CDK8: variants seen among roughly 807,000 people sequenced by gnomAD.
CDK8 encodes cyclin-dependent kinase 8.
In CDK8, 29 loss-of-function variants were observed where a neutral mutation model predicts 71.5. The observed-to-expected ratio is 0.41, with a 90% CI of 0.30 to 0.55. The LOEUF is 0.55. Ranked by LOEUF, CDK8 falls within the 20% of genes least tolerant of loss-of-function variation. The pLI, the probability that CDK8 is intolerant of heterozygous loss-of-function variation, is 0.37. For missense variants in CDK8, 288 were observed against 572.6 expected (o/e 0.50, Z 5.07); for synonymous variants, 161 against 192.1 (o/e 0.84, Z 1.34).
intron 9 of CDK8, among the ~76,000 whole-genome samples, chr13:26,399,488 G>C (rs578212195): frequency 6.6e-6 from 1 of 152,154 alleles, no homozygotes; most frequent in Non-Finnish European, 1.5e-5. Flanking sequence ...AGTTCTCCAG[G>C]TGATTCTCAT....
chr13:26,263,770 G>A lies in CDK8; in HGVS notation c.128+9001G>A, dbSNP rs1483637401. Reference sequence around the variant, plus strand: ...CTCCCTTTTTTTTTTTTTTCGAGACGGAGTCTCGCTATGTCACCCAGCCTG... The same window carrying A: ...CTCCCTTTTTTTTTTTTTTCGAGACAGAGTCTCGCTATGTCACCCAGCCTG... On this transcript the variant is annotated intron_variant, in intron 1 of 12. Transcript: ENST00000381527. Among the ~76,000 whole-genome samples, 7 of 135,256 alleles carry A rather than the reference G, an allele frequency of 5.2e-5. No individual in the cohort carries two copies. In the East Asian group the frequency reaches 1.1e-3, roughly 22 times the overall value. The allele number at this position is 135,256 out of a possible 152,430, so 88.7% of individuals were successfully genotyped here. A position where few individuals can be genotyped will look rare whatever the true frequency, so the allele number is the denominator to read the frequency against.
At chr13:26,277,187 GT>G (rs1872591270) in intron 1 of CDK8, among the ~76,000 whole-genome samples, 1 of 152,150 alleles carries the variant, frequency 6.6e-6, no homozygotes, top group Admixed American at 6.5e-5. Flanking sequence ...AGTGTACTGA[GT>G]TTTCCCCCAA....
intron 1 of CDK8, among the ~76,000 whole-genome samples, chr13:26,307,984 G>A (rs1874118493): frequency 6.6e-6 from 1 of 152,114 alleles, no homozygotes; most frequent in Non-Finnish European, 1.5e-5. Flanking sequence ...TGGATGTTTG[G>A]ATTGTTTGAT....
chr13:26,299,736 T>C (rs986635282), intron 1 of CDK8, among the ~76,000 whole-genome samples: 6 of 152,154 alleles, frequency 3.9e-5, no homozygotes, highest in Admixed American at 1.3e-4. Context: ...ACAACCAAGA[T>C]TGAATCTGAA....
At chr13:26,371,480 G>T (rs142642805) in intron 4 of CDK8, among the ~76,000 whole-genome samples, 11 of 152,154 alleles carry the variant, frequency 7.2e-5, no homozygotes, top group African/African-American at 2.4e-4. Context: ...GGAAGTTATC[G>T]TCATACTATC....
At chr13:26,312,797 T>C (rs1874348757) in intron 1 of CDK8, among the ~76,000 whole-genome samples, 2 of 152,166 alleles carry the variant, frequency 1.3e-5, no homozygotes, top group African/African-American at 4.8e-5. Flanking sequence ...TCGTTTTGAT[T>C]CTTTATGTTT....
intron 1 of CDK8, among the ~76,000 whole-genome samples, chr13:26,308,769 CT>C (rs748834495): frequency 1.3e-5 from 2 of 152,236 alleles, no homozygotes; most frequent in Non-Finnish European, 2.9e-5. Context: ...TAGTTCCTCA[CT>C]TTCCATTTCC....
chr13:26,398,371 T>G (rs1048728998), intron 9 of CDK8, among the ~76,000 whole-genome samples: 2 of 152,152 alleles, frequency 1.3e-5, no homozygotes, highest in African/African-American at 4.8e-5. Flanking sequence ...TTATTCTCCT[T>G]GATTCCCTGC....
intron 1 of CDK8, among the ~76,000 whole-genome samples, chr13:26,336,353 C>G (rs1235678478): frequency 6.6e-6 from 1 of 152,096 alleles, no homozygotes; most frequent in Non-Finnish European, 1.5e-5. Context: ...TTCCGTTGCT[C>G]TGGTGGCTAG....
intron 6 of CDK8, among the ~76,000 whole-genome samples, chr13:26,389,012 C>T (rs527446439): frequency 3.3e-5 from 5 of 152,144 alleles, no homozygotes; most frequent in Admixed American, 1.3e-4. Context: ...CTTTGAACAA[C>T]GGAAGTAACA....
chr13:26,322,542 A>T (rs530423221), intron 1 of CDK8, among the ~76,000 whole-genome samples: 2 of 152,266 alleles, frequency 1.3e-5, no homozygotes, highest in African/African-American at 4.8e-5. Context: ...GAGACAGGGA[A>T]AAAGGGGCAG....
chr13:26,338,558 A>G (rs1452246833), intron 2 of CDK8, among the ~76,000 whole-genome samples: 2 of 152,116 alleles, frequency 1.3e-5, no homozygotes, highest in Non-Finnish European at 2.9e-5. Flanking sequence ...GGAAAGTTCC[A>G]GGTTTGGGAA....
chr13:26,258,209 A>G (rs9553777), intron 1 of CDK8, among the ~76,000 whole-genome samples: 62,082 of 151,946 alleles, frequency 0.41, 14,393 homozygotes, highest in Non-Finnish European at 0.52. Context: ...AGATTAGAGG[A>G]TTAGGCGCAG....
rs555047991 is a variant in CDK8, at chr13:26,348,653, G to A, written c.205-419G>A. Among the ~76,000 whole-genome samples, 133 of 151,550 alleles carry A rather than the reference G, an allele frequency of 8.8e-4. 1 individual carries two copies. Among genetic ancestry groups the A allele is most frequent in the African/African-American group, 3.1e-3 (127 of 41,298 alleles). On this transcript the variant is annotated intron_variant, in intron 2 of 12. Coordinates refer to ENST00000381527, the MANE Select transcript of CDK8 (RefSeq NM_001260.3). ...TCTGATGCCAAAAAGGTTGGGAACCGCTGGTTTAATGGATTCAGAGTTTCT... is the reference window on the plus strand; with the variant it reads ...TCTGATGCCAAAAAGGTTGGGAACCACTGGTTTAATGGATTCAGAGTTTCT...
chr13:26,268,005 T>G (rs1872107164), intron 1 of CDK8, among the ~76,000 whole-genome samples: 2 of 152,132 alleles, frequency 1.3e-5, no homozygotes, highest in Non-Finnish European at 2.9e-5. Context: ...CCCTAGCAGA[T>G]CACTGCAAGC....
Position 26,254,853 on chromosome 13 carries a change from G to C in CDK8, c.128+84G>C. 7 of 1,534,254 alleles carry C rather than the reference G, an allele frequency of 4.6e-6. No individual in the cohort carries two copies. In the South Asian group the frequency reaches 6.1e-5, roughly 13 times the overall value. On this transcript the variant is annotated intron_variant, in intron 1 of 12. Transcript: ENST00000381527. The surrounding 1 kb of genome is among the most constrained non-coding windows in gnomAD (Gnocchi z 6.7). ...AGGTAGCCCGGAGGGAGAGCGGGCCGCCGGGGTGCCGGGCTCTGACTTCCT... is the reference window on the plus strand; with the variant it reads ...AGGTAGCCCGGAGGGAGAGCGGGCCCCCGGGGTGCCGGGCTCTGACTTCCT...
chr13:26,391,024 AG>A, intron 6 of CDK8, among the ~76,000 whole-genome samples: 1 of 151,846 alleles, frequency 6.6e-6, no homozygotes, highest in African/African-American at 2.4e-5. Flanking sequence ...AAAACAAGGT[AG>A]GAAAAAGAAA....
At chr13:26,255,103 T>G (rs574828818) in intron 1 of CDK8, among the ~76,000 whole-genome samples, 2 of 152,040 alleles carry the variant, frequency 1.3e-5, no homozygotes, top group Non-Finnish European at 2.9e-5. Flanking sequence ...TTTTTTTTTT[T>G]CCTTGGTCGA....
At chr13:26,349,312 G>T in intron 3 of CDK8, 130 bp downstream of exon 3, 1 of 622,964 alleles carries the variant, frequency 1.6e-6, no homozygotes, top group African/African-American at 1.9e-5. Flanking sequence ...GAGTGTGGTT[G>T]GTGGCATGAC....
Sources: allele counts gnomAD v4.1 joint callset (sites outside exome capture counted in the v4.1 genomes callset), GRCh38; gene constraint gnomAD v4.1.1; non-coding constraint Gnocchi (gnomAD v3.1); transcripts MANE v1.5; gene names NCBI Gene and HGNC (gene_info 2026-07-23, HGNC 2026-07-21).